Variants in DIS3L2 observed in about 807,000 individuals in gnomAD.
The protein encoded by DIS3L2 is DIS3 like 3'-5' exoribonuclease 2.
Under a neutral mutation model 97.5 loss-of-function variants are expected in DIS3L2, and 34 were observed. That is an observed-to-expected ratio of 0.35 (90% CI 0.27 to 0.46). DIS3L2 has a LOEUF of 0.46. DIS3L2 is among the 20% of genes least tolerant of loss of function. The probability of loss-of-function intolerance (pLI) is 1.00; values close to 1 mark genes in which losing one functional copy is unlikely to be tolerated. For synonymous variants in DIS3L2, 435 were observed against 445.2 expected, an observed-to-expected ratio of 0.98 and a Z score of 0.29; for missense variants, 1,038 against 1,146.0, an observed-to-expected ratio of 0.91 and a Z score of 1.36.
At chr2:231,984,095 C>T (rs1693341021) in intron 1 of DIS3L2, among the ~76,000 whole-genome samples, 2 of 151,784 alleles carry the variant, frequency 1.3e-5, no homozygotes, top group Admixed American at 6.6e-5. Flanking sequence ...CATTTTGTCT[C>T]ATTTCTAATA....
At chr2:232,080,583 C>T (rs1289984116) in intron 5 of DIS3L2, among the ~76,000 whole-genome samples, 3 of 151,818 alleles carry the variant, frequency 2.0e-5, no homozygotes, top group Non-Finnish European at 4.4e-5. Flanking sequence ...GTCTCTCCTC[C>T]TTTTTTTCCC....
chr2:232,135,152 G>A (rs1698321987), intron 7 of DIS3L2, among the ~76,000 whole-genome samples: 1 of 152,174 alleles, frequency 6.6e-6, no homozygotes, highest in African/African-American at 2.4e-5. Flanking sequence ...GCGTTGAAGA[G>A]ATAGGGAAAG....
At chr2:232,245,623 G>A (rs1693226226) in intron 11 of DIS3L2, among the ~76,000 whole-genome samples, 1 of 152,144 alleles carries the variant, frequency 6.6e-6, no homozygotes, top group Admixed American at 6.5e-5. Context: ...CCTGGTAAAT[G>A]TCTTTTATAA....
chr2:232,336,993 G>A lies in DIS3L2; in HGVS notation c.*363G>A, dbSNP rs866934793. On this transcript the variant is annotated 3_prime_UTR_variant, in exon 21 of 21. Transcript: ENST00000325385. ...TGGAGTGCCATCTGGTGTGTAGGGCGCCTCTGGGAAGCCTGGGCAGCAGAA... is the reference window on the plus strand; with the variant it reads ...TGGAGTGCCATCTGGTGTGTAGGGCACCTCTGGGAAGCCTGGGCAGCAGAA... 4.3e-5 allele frequency: 48 copies of A among 1,105,354 alleles called. No homozygotes were observed. The highest frequency in any genetic ancestry group is 5.2e-5 in the Non-Finnish European group (47 of 903,152). 68.5% of individuals were successfully genotyped at this position (1,105,354 alleles called of 1,614,324 possible). A position where few individuals can be genotyped will look rare whatever the true frequency, so the allele number is the denominator to read the frequency against.
intron 9 of DIS3L2, among the ~76,000 whole-genome samples, chr2:232,192,195 A>T (rs1379815242): frequency 1.3e-5 from 2 of 152,338 alleles, no homozygotes; most frequent in South Asian, 4.1e-4. Flanking sequence ...TTGAAGGCTT[A>T]TGTTATACCT....
intron 4 of DIS3L2, 58 bp downstream of exon 4, chr2:232,024,388 C>A (rs2106233041): frequency 7.5e-7 from 1 of 1,325,282 alleles, no homozygotes; most frequent in South Asian, 1.3e-5. Context: ...TAGATCTGCT[C>A]CGAAACTGAA....
At chr2:232,148,084 TGTGTCG>T (rs1559677897) in intron 8 of DIS3L2, among the ~76,000 whole-genome samples, 1 of 133,724 alleles carries the variant, frequency 7.5e-6, no homozygotes, top group African/African-American at 2.7e-5. Flanking sequence ...GGAGTCTCAC[TGTGTCG>T]CCAGGCTGGA....
At chr2:232,302,617 A>G (rs1430125678) in intron 14 of DIS3L2, among the ~76,000 whole-genome samples, 3 of 149,064 alleles carry the variant, frequency 2.0e-5, no homozygotes, top group Non-Finnish European at 4.4e-5. Flanking sequence ...CTGGAGTGCA[A>G]TTGCATGATC....
Position 232,023,893 on chromosome 2 carries a change from A to G in DIS3L2, c.211-384A>G, listed in dbSNP as rs549374787. Among the ~76,000 whole-genome samples, 62 of 139,488 alleles carry G rather than the reference A, an allele frequency of 4.4e-4. 1 individual carries two copies. The highest frequency in any genetic ancestry group is 1.9e-3 in the African/African-American group (60 of 30,984). The allele number at this position is 139,488 out of a possible 152,430, so 91.5% of individuals were successfully genotyped here. On this transcript the variant is annotated intron_variant, in intron 3 of 20. Coordinates refer to ENST00000325385, the MANE Select transcript of DIS3L2 (RefSeq NM_152383.5). The stretch of plus-strand genomic sequence containing the variant: ...TGTGGAAAGGTCTTGGAACTGGGAG[A>G]AAAAAAAGGCCTTTATATAGTGAGG...
intron 3 of DIS3L2, among the ~76,000 whole-genome samples, chr2:232,020,615 C>G (rs3116226): frequency 0.93 from 141,620 of 152,204 alleles, 65,966 homozygotes; most frequent in East Asian, 1. Flanking sequence ...CATGAGTGAA[C>G]AGGCCCTGGT....
intron 5 of DIS3L2, among the ~76,000 whole-genome samples, chr2:232,032,340 A>C (rs1044038572): frequency 6.6e-6 from 1 of 152,066 alleles, no homozygotes; most frequent in African/African-American, 2.4e-5. Context: ...TCCTTTGCCC[A>C]CTTTTTGATG....
chr2:232,029,502 G>A (rs2106239045), intron 4 of DIS3L2, among the ~76,000 whole-genome samples: 1 of 152,190 alleles, frequency 6.6e-6, no homozygotes, highest in South Asian at 2.1e-4. Flanking sequence ...TGTGTTCATT[G>A]TCTGGAGTTC....
intron 6 of DIS3L2, among the ~76,000 whole-genome samples, chr2:232,120,660 G>A (rs561036197): frequency 6.6e-6 from 1 of 152,258 alleles, no homozygotes; most frequent in East Asian, 1.9e-4. Flanking sequence ...TCTGCACATA[G>A]TGGGTCTTCT....
At chr2:232,192,931 C>G (rs1691654893) in intron 9 of DIS3L2, among the ~76,000 whole-genome samples, 1 of 152,174 alleles carries the variant, frequency 6.6e-6, no homozygotes, top group Admixed American at 6.5e-5. Flanking sequence ...AGACTTCTTT[C>G]TTCCTCTCTG....
chr2:232,271,517 C>T (rs921146971), intron 13 of DIS3L2, among the ~76,000 whole-genome samples: 7 of 152,178 alleles, frequency 4.6e-5, no homozygotes, highest in Admixed American at 1.3e-4. Context: ...TAAACATTGA[C>T]GACTTACTAC....
At chr2:232,084,224 C>G (rs1696503456) in intron 5 of DIS3L2, among the ~76,000 whole-genome samples, 1 of 152,088 alleles carries the variant, frequency 6.6e-6, no homozygotes, top group South Asian at 2.1e-4. Flanking sequence ...AGCAGAAGTG[C>G]AGATGGGGGA....
intron 1 of DIS3L2, among the ~76,000 whole-genome samples, chr2:232,012,304 A>C (rs1043688661): frequency 6.6e-6 from 1 of 152,166 alleles, no homozygotes; most frequent in African/African-American, 2.4e-5. Context: ...CCCTGAGCTA[A>C]AGAGACAAGT....
intron 14 of DIS3L2, 28 bp from the exon 15 acceptor site, chr2:232,329,785 T>TCCCGGGGGGGGGGG: frequency 4.1e-6 from 4 of 967,138 alleles, no homozygotes; most frequent in Non-Finnish European, 4.4e-6. Flanking sequence ...ACCCCAGCGG[T>TCCCGGGGGGGGGGG]CCCTCCCATC....
chr2:232,287,726 A>G (rs959227736), intron 13 of DIS3L2, among the ~76,000 whole-genome samples: 2 of 151,960 alleles, frequency 1.3e-5, no homozygotes, highest in South Asian at 2.1e-4. Flanking sequence ...GGCCCTTCCA[A>G]ATACCCTCCA....
Sources: gnomAD v4.1 joint callset for allele counts (sites outside exome capture counted in the v4.1 genomes callset) on GRCh38, gnomAD v4.1.1 for gene constraint, MANE v1.5 for transcripts, NCBI Gene and HGNC (gene_info 2026-07-23, HGNC 2026-07-21) for gene names.